PHKB: variants seen among roughly 807,000 people sequenced by gnomAD.
PHKB encodes the protein phosphorylase b kinase regulatory subunit beta.
A neutral mutation model predicts 152.1 loss-of-function variants in PHKB; 122 were observed. That is an observed-to-expected ratio of 0.80 (90% CI 0.69 to 0.93). PHKB has a LOEUF of 0.93. PHKB is among the 40% of genes least tolerant of loss of function. The pLI is 0.00. For missense variants in PHKB, 1,304 were observed against 1,328.4 expected (o/e 0.98, Z 0.29); for synonymous variants, 436 against 464.9 (o/e 0.94, Z 0.80).
chr16:47,678,220 C>T (rs950082700), intron 26 of PHKB, among the ~76,000 whole-genome samples: 68 of 151,970 alleles, frequency 4.5e-4, no homozygotes, highest in African/African-American at 1.5e-3. Flanking sequence ...AATAGTGCCA[C>T]AATAAACATA....
chr16:47,699,079 G>A, intron 30 of PHKB, 150 bp from the exon 31 acceptor site: 1 of 747,360 alleles, frequency 1.3e-6, no homozygotes, highest in Non-Finnish European at 2.3e-6. Context: ...ATACACCTCA[G>A]GAAAATGAAA....
chr16:47,605,896 A>G (rs1057469002), intron 13 of PHKB, among the ~76,000 whole-genome samples: 2 of 152,210 alleles, frequency 1.3e-5, no homozygotes, highest in Non-Finnish European at 2.9e-5. Flanking sequence ...TTAAGAGCCC[A>G]GACTCTGGGA....
At chr16:47,520,823 T>C (rs1053613810) in intron 6 of PHKB, among the ~76,000 whole-genome samples, 46 of 152,358 alleles carry the variant, frequency 3.0e-4, no homozygotes, top group Non-Finnish European at 4.3e-4. Flanking sequence ...GTTTTCATTT[T>C]CTTGATAATA....
intron 14 of PHKB, chr16:47,619,081 T>C (rs1972572031): frequency 6.6e-6 from 1 of 152,226 alleles, no homozygotes; most frequent in Non-Finnish European, 1.5e-5. Context: ...CCACATTATA[T>C]CTGATTTTAA....
intron 7 of PHKB, among the ~76,000 whole-genome samples, chr16:47,576,536 C>G (rs1030707520): frequency 6.6e-6 from 1 of 152,100 alleles, no homozygotes; most frequent in African/African-American, 2.4e-5. Context: ...GTTGTTCTAC[C>G]AATTGTTGAG....
At chr16:47,576,775 C>T (rs903681822) in intron 7 of PHKB, among the ~76,000 whole-genome samples, 2 of 152,090 alleles carry the variant, frequency 1.3e-5, no homozygotes, top group African/African-American at 4.8e-5. Flanking sequence ...AATATAGTCA[C>T]TCCTGCATTA....
chr16:47,693,550 A>G, intron 28 of PHKB, 43 bp downstream of exon 28: 1 of 1,605,206 alleles, frequency 6.2e-7, no homozygotes, highest in Non-Finnish European at 8.5e-7. Context: ...AGACTTCGCA[A>G]AGGGTAGTGA....
rs528006982 is a variant in PHKB at position 47,672,337 on chromosome 16, T to C, written c.2630+2920T>C. ...GTCTGTTTGCCCTGATATTTTCAAC[T>C]CCAACCTCTTGACTCCACATGAGGA... On this transcript the variant is annotated intron_variant, in intron 26 of 30. Transcript: ENST00000323584. Among the ~76,000 whole-genome samples, 5 of 152,278 alleles carry C rather than the reference T, an allele frequency of 3.3e-5. No homozygotes were observed. In the South Asian group the frequency reaches 1.0e-3, roughly 32 times the overall value.
intron 13 of PHKB, among the ~76,000 whole-genome samples, chr16:47,605,910 G>A (rs988741184): frequency 2.6e-5 from 4 of 152,100 alleles, no homozygotes; most frequent in Non-Finnish European, 2.9e-5. Context: ...TCTGGGAGTC[G>A]ACTGACTGTG....
intron 1 of PHKB, among the ~76,000 whole-genome samples, chr16:47,492,487 GA>G (rs1346041959): frequency 1.3e-5 from 2 of 152,204 alleles, no homozygotes; most frequent in African/African-American, 4.8e-5. Context: ...TATGCAAATG[GA>G]TGCCTCCATC....
chr16:47,565,823 T>G (rs1234111701), intron 7 of PHKB: 68 of 1,412,786 alleles, frequency 4.8e-5, no homozygotes, highest in Non-Finnish European at 6.5e-5. Flanking sequence ...GCTTTGTCCC[T>G]CCAAAGACAG....
At chr16:47,667,038 A>G (rs1479849732) in intron 25 of PHKB, among the ~76,000 whole-genome samples, 10 of 152,174 alleles carry the variant, frequency 6.6e-5, no homozygotes, top group Non-Finnish European at 1.3e-4. Context: ...TTAAGATTAA[A>G]ATTATTCATC....
intron 14 of PHKB, among the ~76,000 whole-genome samples, chr16:47,640,439 C>T (rs1972997994): frequency 6.6e-6 from 1 of 152,152 alleles, no homozygotes; most frequent in Non-Finnish European, 1.5e-5. Flanking sequence ...ATATCCAACA[C>T]TGTCTTTGAT....
chr16:47,589,176 G>A, intron 10 of PHKB, 74 bp downstream of exon 10: 2 of 1,123,354 alleles, frequency 1.8e-6, no homozygotes, highest in South Asian at 1.4e-5. Context: ...TGACCATTGG[G>A]TTTGAATTCT....
At chr16:47,552,986 C>G (rs1448111537) in intron 7 of PHKB, among the ~76,000 whole-genome samples, 1 of 152,092 alleles carries the variant, frequency 6.6e-6, no homozygotes, top group African/African-American at 2.4e-5. Context: ...TCATTTCAAC[C>G]TTGGTGAGTC....
intron 6 of PHKB, among the ~76,000 whole-genome samples, chr16:47,536,340 C>T (rs1013195602): frequency 2.6e-5 from 4 of 152,090 alleles, no homozygotes; most frequent in African/African-American, 7.2e-5. Context: ...CGTGAGCCAC[C>T]GCACCCGGCC....
At chr16:47,662,127 C>T (rs1036941921) in intron 23 of PHKB, among the ~76,000 whole-genome samples, 1 of 152,082 alleles carries the variant, frequency 6.6e-6, no homozygotes, top group African/African-American at 2.4e-5. Flanking sequence ...CCAGTTTTAT[C>T]TTCTCTAATT....
At chr16:47,477,948 T>C (rs1382320573) in intron 1 of PHKB, among the ~76,000 whole-genome samples, 1 of 152,164 alleles carries the variant, frequency 6.6e-6, no homozygotes, top group Non-Finnish European at 1.5e-5. Flanking sequence ...GAATTTGAAC[T>C]TAACCATTTA....
At chr16:47,576,871 A>G (rs952792153) in intron 7 of PHKB, among the ~76,000 whole-genome samples, 6 of 152,122 alleles carry the variant, frequency 3.9e-5, no homozygotes, top group Admixed American at 2.6e-4. Context: ...TTTATAGACA[A>G]TACATAGGTG....
Sources: gnomAD v4.1 joint callset for allele counts (sites outside exome capture counted in the v4.1 genomes callset) on GRCh38, gnomAD v4.1.1 for gene constraint, MANE v1.5 for transcripts, NCBI Gene and HGNC (gene_info 2026-07-23, HGNC 2026-07-21) for gene names.